The following OPRM1 variants were observed in gnomAD, a reference collection of about 807,000 sequenced individuals.
The protein encoded by OPRM1 is mu-type opioid receptor.
OPRM1 carries 27 observed loss-of-function variants against 31.8 expected under a neutral mutation model. The ratio of observed to expected loss-of-function variants is 0.85; its 90% CI spans 0.63 to 1.17. The LOEUF is 1.17. OPRM1 is among the 50% of genes most tolerant of loss of function. The pLI, the probability that OPRM1 is intolerant of heterozygous loss-of-function variation, is 0.00. For missense variants in OPRM1, 536 were observed against 511.1 expected (o/e 1.05, Z -0.47); for synonymous variants, 196 against 189.9 (o/e 1.03, Z -0.26).
chr6:154,159,132 T>C (rs1454337177), intron 3 of OPRM1: 1 of 152,274 alleles, frequency 6.6e-6, no homozygotes, highest in Non-Finnish European at 1.5e-5. Flanking sequence ...AGATGTTTTC[T>C]CTAGCTGTTG....
At chr6:154,153,330 G>A (rs1049916560) in intron 3 of OPRM1, among the ~76,000 whole-genome samples, 8 of 152,250 alleles carry the variant, frequency 5.3e-5, no homozygotes, top group African/African-American at 1.9e-4. Flanking sequence ...CAAATCAACT[G>A]ACCTTCAAAT....
intron 3 of OPRM1, among the ~76,000 whole-genome samples, chr6:154,144,415 A>G (rs1337741707): frequency 6.6e-6 from 1 of 152,244 alleles, no homozygotes; most frequent in African/African-American, 2.4e-5. Flanking sequence ...TTTTTAACAA[A>G]ATATTAGCAA....
At chr6:154,141,772 A>G (rs1357063123) in intron 3 of OPRM1, among the ~76,000 whole-genome samples, 1 of 152,236 alleles carries the variant, frequency 6.6e-6, no homozygotes, top group Non-Finnish European at 1.5e-5. Context: ...GTCTTTCCAA[A>G]GGAGGCCATC....
At chr6:154,077,452 C>T (rs955463264) in intron 1 of OPRM1, among the ~76,000 whole-genome samples, 5 of 149,730 alleles carry the variant, frequency 3.3e-5, no homozygotes, top group Non-Finnish European at 7.4e-5. Context: ...AAAATAAGGC[C>T]GTGTATGGTG....
At chr6:154,175,356 A>T (rs575092488) in intron 3 of OPRM1, among the ~76,000 whole-genome samples, 4 of 151,170 alleles carry the variant, frequency 2.6e-5, no homozygotes, top group African/African-American at 9.7e-5. Flanking sequence ...GACACAAAAA[A>T]CCCTTTAAAA....
intron 3 of OPRM1, among the ~76,000 whole-genome samples, chr6:154,163,472 A>G (rs1425974349): frequency 6.6e-6 from 1 of 152,010 alleles, no homozygotes; most frequent in Non-Finnish European, 1.5e-5. Context: ...CCCCTTTTCT[A>G]TTCTTTATCA....
chr6:154,119,417 C>CA lies in OPRM1; in HGVS notation c.*697dup. On this transcript the variant is annotated 3_prime_UTR_variant, in exon 4 of 4. Coordinates refer to ENST00000330432, the MANE Select transcript of OPRM1 (RefSeq NM_000914.5). ...ACTGCAAATACTTCCAAAGAGTCATCATGGGGGATTTTTCATTCTTAGGCT... is the reference window on the plus strand; with the variant it reads ...ACTGCAAATACTTCCAAAGAGTCATCAATGGGGGATTTTTCATTCTTAGGCT... 5 of 985,368 alleles carry CA rather than the reference C, an allele frequency of 5.1e-6. No individual in the cohort carries two copies. The highest frequency in any genetic ancestry group is 6.0e-6 in the Non-Finnish European group (5 of 829,886). 61.0% of individuals were successfully genotyped at this position (985,368 alleles called of 1,614,324 possible). A position where few individuals can be genotyped will look rare whatever the true frequency, so the allele number is the denominator to read the frequency against.
intron 3 of OPRM1, chr6:154,219,318 T>G (rs889857278): frequency 6.6e-6 from 1 of 152,286 alleles, no homozygotes; most frequent in Non-Finnish European, 1.5e-5. Context: ...CACCTCTTGC[T>G]GGAGAGAGGA....
chr6:154,043,537 G>GTATA (rs150929749), intron 1 of OPRM1, among the ~76,000 whole-genome samples: 2 of 135,992 alleles, frequency 1.5e-5, no homozygotes, highest in African/African-American at 6.9e-5. Context: ...GTGTGTGTGT[G>GTATA]TATATATATA....
At chr6:154,078,094 C>T (rs1448634280) in intron 1 of OPRM1, among the ~76,000 whole-genome samples, 1 of 152,112 alleles carries the variant, frequency 6.6e-6, no homozygotes, top group African/African-American at 2.4e-5. Flanking sequence ...ATTCTCTGGC[C>T]ATTCCTTAGT....
intron 3 of OPRM1, chr6:154,107,514 T>C: frequency 1.4e-6 from 1 of 718,600 alleles, no homozygotes; most frequent in Non-Finnish European, 2.6e-6. Flanking sequence ...CCTTGGCCAC[T>C]GAGCTACAAT....
intron 1 of OPRM1, among the ~76,000 whole-genome samples, chr6:154,077,459 G>C (rs761574515): frequency 1.3e-5 from 2 of 151,198 alleles, no homozygotes; most frequent in Non-Finnish European, 3.0e-5. Flanking sequence ...GGCCGTGTAT[G>C]GTGGCTCACG....
At chr6:154,061,866 A>G (rs576253946) in intron 1 of OPRM1, among the ~76,000 whole-genome samples, 2 of 152,286 alleles carry the variant, frequency 1.3e-5, no homozygotes, top group East Asian at 1.9e-4. Context: ...TGTTGACTCA[A>G]TGTTGACACT....
At chr6:154,034,185 G>A (rs995806574), upstream of OPRM1, among the ~76,000 whole-genome samples, 1 of 152,202 alleles carries the variant, frequency 6.6e-6, no homozygotes, top group Non-Finnish European at 1.5e-5. Context: ...AAAGAAAAGC[G>A]CATGTTGCCT....
chr6:154,047,027 G>C (rs111368948), intron 1 of OPRM1, among the ~76,000 whole-genome samples: 1 of 152,200 alleles, frequency 6.6e-6, no homozygotes. Context: ...GGGAGAAAGA[G>C]TGAGTGTGCT....
chr6:154,083,966 A>AAC (rs1789839970), intron 1 of OPRM1, among the ~76,000 whole-genome samples: 4 of 151,266 alleles, frequency 2.6e-5, no homozygotes, highest in African/African-American at 9.7e-5. Flanking sequence ...AAAAAAAAAA[A>AAC]AAAGGAAGAA....
intron 3 of OPRM1, among the ~76,000 whole-genome samples, chr6:154,115,262 C>G (rs972304880): frequency 6.6e-6 from 1 of 152,080 alleles, no homozygotes; most frequent in Middle Eastern, 3.2e-3. Context: ...AGACATAAGG[C>G]GGCGCAGTGG....
At chr6:154,229,277 T>A (rs185878756) in intron 3 of OPRM1, among the ~76,000 whole-genome samples, 158 of 152,190 alleles carry the variant, frequency 1.0e-3, no homozygotes, top group African/African-American at 3.5e-3. Flanking sequence ...ATGAATGAAC[T>A]ATAATCTTTT....
At chr6:154,152,323 GAAAGAAAGAAAGAAAGAAAGAAAGGAAA>G (rs1173694166) in intron 3 of OPRM1, among the ~76,000 whole-genome samples, 11 of 31,680 alleles carry the variant, frequency 3.5e-4, no homozygotes, top group African/African-American at 1.2e-3. Flanking sequence ...AAGAAAGAAA[GAAAGAAAGAAAGAAAGAAAGAAAGGAAA>G]GAAAGAAAGA....
Sources: allele counts gnomAD v4.1 joint callset (sites outside exome capture counted in the v4.1 genomes callset), GRCh38; gene constraint gnomAD v4.1.1; transcripts MANE v1.5; gene names NCBI Gene and HGNC (gene_info 2026-07-23, HGNC 2026-07-21).